LRCH2: variants seen among roughly 807,000 people sequenced by gnomAD.
LRCH2 encodes leucine rich repeats and calponin homology domain containing 2.
Under a neutral mutation model 68.9 loss-of-function variants are expected in LRCH2, and 38 were observed. That is an observed-to-expected ratio of 0.55 (90% CI 0.43 to 0.72). The LOEUF (loss-of-function observed/expected upper bound fraction) is 0.72. Among genes scored for constraint, LRCH2 ranks in the 30% least tolerant of loss-of-function variants. LRCH2 has a pLI of 0.00. For missense variants in LRCH2, 528 were observed against 572.9 expected, an observed-to-expected ratio of 0.92 and a Z score of 0.80; for synonymous variants, 191 against 208.1, an observed-to-expected ratio of 0.92 and a Z score of 0.71.
intron 1 of LRCH2, among the ~76,000 whole-genome samples, chrX:115,228,113 TAC>T (rs1255996470): frequency 8.9e-6 from 1 of 112,267 alleles, no homozygotes; most frequent in Non-Finnish European, 1.9e-5. Flanking sequence ...GATTAAACAT[TAC>T]AGTTTGACCT....
rs1420058079 is a variant in LRCH2, at chrX:115,112,305, C to T, written c.*911G>A. The T allele has an allele frequency of 1.8e-5, 2 of 111,995 alleles. No homozygotes were observed. The highest frequency in any genetic ancestry group is 6.5e-5 in the African/African-American group (2 of 30,874). The allele number at this position is 111,995 out of a possible 1,213,427, so 9.2% of individuals were successfully genotyped here. On this transcript the variant is annotated 3_prime_UTR_variant, in exon 21 of 21. Transcript: ENST00000317135. ...ACTTCACTAGTTCTCAAAAACTTTA[C>T]TGCTTTGTGTAACATTTTCAATACA...
chrX:115,184,543 A>G lies in LRCH2; in HGVS notation c.495-6T>C. On this transcript the variant is annotated splice_polypyrimidine_tract_variant and splice_region_variant and intron_variant, in intron 2 of 20. Transcript: ENST00000317135. The stretch of plus-strand genomic sequence containing the variant: ...ATGTTGATAAAAGATTTCGGCTGAA[A>G]AGAATGAGAAAGTTTCATTACGAGA... 8.8e-7 allele frequency: 1 copy of G among 1,137,089 alleles called. No individual in the cohort carries two copies. Among genetic ancestry groups the G allele is most frequent in the South Asian group, 2.3e-5 (1 of 44,336 alleles). The allele number at this position is 1,137,089 out of a possible 1,213,427, so 93.7% of individuals were successfully genotyped here. A position where few individuals can be genotyped will look rare whatever the true frequency, so the allele number is the denominator to read the frequency against.
chrX:115,136,768 C>T (rs185590580), intron 14 of LRCH2, among the ~76,000 whole-genome samples: 1 of 111,880 alleles, frequency 8.9e-6, no homozygotes, highest in African/African-American at 3.2e-5. Flanking sequence ...GAATGGTCCA[C>T]GAAGATTTTA....
intron 1 of LRCH2, among the ~76,000 whole-genome samples, chrX:115,196,996 C>T (rs2072892190): frequency 9.1e-6 from 1 of 109,827 alleles, no homozygotes. Context: ...AGCACAACTT[C>T]ACCACAGGCC....
chrX:115,180,502 C>T (rs2072683665), intron 3 of LRCH2, among the ~76,000 whole-genome samples: 1 of 110,729 alleles, frequency 9.0e-6, no homozygotes, highest in Admixed American at 9.7e-5. Context: ...GCTCTCTCCC[C>T]TCTTTCTTAT....
In LRCH2 at chrX:115,121,660, C is replaced by A. The variant is rs782332129; in HGVS notation, c.2178+867G>T. 8.0e-5 allele frequency among the ~76,000 whole-genome samples: 9 copies of A among 111,916 alleles called. No homozygotes were observed. In the South Asian group the frequency reaches 3.4e-3, roughly 42 times the overall value. Reference sequence around the variant, plus strand: ...AGCGTGAGACTCTGTCTCAAAAAAACAAAAGCAAAAACAAAAACAAAACCA... The same window carrying A: ...AGCGTGAGACTCTGTCTCAAAAAAAAAAAAGCAAAAACAAAAACAAAACCA... On this transcript the variant is annotated intron_variant, in intron 20 of 20. Coordinates refer to ENST00000317135, the MANE Select transcript of LRCH2 (RefSeq NM_020871.4).
chrX:115,234,003 G>A lies in LRCH2; in HGVS notation c.39C>T (p.Gly13=). The A allele has an allele frequency of 1.7e-6, 2 of 1,157,147 alleles. No homozygotes were observed. Among genetic ancestry groups the A allele is most frequent in the Non-Finnish European group, 1.2e-6 (1 of 867,985 alleles). The part of the protein sequence containing the change: ...ASQGGGGNSG[G]GGCGGGGSSG... ...TACTTCCACCTCCACCACAACCGCC[G>A]CCCCCACTGTTACCGCCTCCTCCCT... Residue 13 remains glycine (G), a synonymous_variant, in exon 1 of 21, where the codon GGC becomes GGT. Coordinates refer to ENST00000317135, the MANE Select transcript of LRCH2 (RefSeq NM_020871.4).
At chrX:115,176,033 T>C (rs782275125) in intron 5 of LRCH2, among the ~76,000 whole-genome samples, 94 of 112,045 alleles carry the variant, frequency 8.4e-4, no homozygotes, top group Non-Finnish European at 1.4e-3. Flanking sequence ...AATTGAATTA[T>C]AGGATACCCA....
rs1486718026 is a variant in LRCH2 at position 115,160,612 on chromosome X, AAAAAC to A, written c.1463+3059_1463+3063del. ...AGTTAAATTATTTTTAATCAAGACT[AAAAAC>A]AAACAAAATTTACAATAATTATTTT... On this transcript the variant is annotated intron_variant, in intron 11 of 20. Transcript: ENST00000317135. Among the ~76,000 whole-genome samples the A allele has an allele frequency of 1.2e-4, 14 of 112,072 alleles. No individual in the cohort carries two copies. In the Admixed American group the frequency reaches 1.3e-3, roughly 11 times the overall value.
intron 20 of LRCH2, among the ~76,000 whole-genome samples, chrX:115,119,106 C>A (rs2072111775): frequency 9.0e-6 from 1 of 110,726 alleles, no homozygotes; most frequent in Non-Finnish European, 1.9e-5. Flanking sequence ...TGAAAACTGG[C>A]ACAAGACAGG....
intron 14 of LRCH2, among the ~76,000 whole-genome samples, chrX:115,147,293 A>G (rs2072393384): frequency 8.9e-6 from 1 of 111,854 alleles, no homozygotes. Context: ...TCATGAAAAT[A>G]GTGACAATTC....
chrX:115,186,088 A>C (rs1237176815), intron 2 of LRCH2, among the ~76,000 whole-genome samples: 1 of 112,084 alleles, frequency 8.9e-6, no homozygotes, highest in African/African-American at 3.2e-5. Context: ...GGCCGGTCAC[A>C]ATGGCTCACG....
intron 1 of LRCH2, among the ~76,000 whole-genome samples, chrX:115,227,028 G>C (rs2073123386): frequency 9.0e-6 from 1 of 111,399 alleles, no homozygotes; most frequent in African/African-American, 3.3e-5. Flanking sequence ...GACAAGTTAA[G>C]TCTTTGTTGT....
chrX:115,147,965 T>TCA (rs1474735488), intron 14 of LRCH2, among the ~76,000 whole-genome samples: 2 of 110,785 alleles, frequency 1.8e-5, no homozygotes, highest in African/African-American at 6.6e-5. Flanking sequence ...AGCAAGAGGA[T>TCA]CACGTGAGCC....
At chrX:115,216,225 T>C (rs2073041112) in intron 1 of LRCH2, among the ~76,000 whole-genome samples, 1 of 111,804 alleles carries the variant, frequency 8.9e-6, no homozygotes, top group Non-Finnish European at 1.9e-5. Flanking sequence ...TAAAACTATA[T>C]ACACCAAGTG....
At chrX:115,167,575 T>C (rs908548469) in intron 6 of LRCH2, among the ~76,000 whole-genome samples, 1 of 111,332 alleles carries the variant, frequency 9.0e-6, no homozygotes, top group African/African-American at 3.3e-5. Flanking sequence ...TACTGTGTTA[T>C]GTACTGTGTT....
In LRCH2 at chrX:115,165,559, T is replaced by A. The variant is rs782488894; in HGVS notation, c.1295A>T (p.Lys432Met). 8.7e-7 allele frequency: 1 copy of A among 1,147,408 alleles called. No homozygotes were observed. The allele number at this position is 1,147,408 out of a possible 1,213,427, so 94.6% of individuals were successfully genotyped here. Residue 432 changes from lysine to methionine, a missense_variant and splice_region_variant, in exon 9 of 21, where the codon AAG becomes ATG. Coordinates refer to ENST00000317135, the MANE Select transcript of LRCH2 (RefSeq NM_020871.4). ...ATATTTGTTCAAAGTTTTATTTACC[T>A]TAAAGAATGATACAAATGATCCAAT... Reference protein sequence around the residue: ...AHIGSFVSFFKGKEKCSEKSR... With the variant: ...AHIGSFVSFFMGKEKCSEKSR...
At chrX:115,116,352 A>G (rs954802635) in intron 20 of LRCH2, among the ~76,000 whole-genome samples, 22 of 111,605 alleles carry the variant, frequency 2.0e-4, no homozygotes, top group African/African-American at 6.8e-4. Context: ...ATGTATTTAG[A>G]ACAGAACACT....
At chrX:115,224,785 T>C (rs189309841) in intron 1 of LRCH2, among the ~76,000 whole-genome samples, 2 of 110,308 alleles carry the variant, frequency 1.8e-5, no homozygotes, top group African/African-American at 6.6e-5. Context: ...ATCACTGAAA[T>C]GAGGCAGATT....
Sources: gnomAD v4.1 joint callset for allele counts (sites outside exome capture counted in the v4.1 genomes callset) on GRCh38, gnomAD v4.1.1 for gene constraint, MANE v1.5 for transcripts, NCBI Gene and HGNC (gene_info 2026-07-23, HGNC 2026-07-21) for gene names.